Variants in RPL3L observed in about 807,000 individuals in gnomAD.
RPL3L encodes the protein ribosomal protein uL3-like.
RPL3L carries 44 observed loss-of-function variants against 44.5 expected under a neutral mutation model. That is an observed-to-expected ratio of 0.99 (90% CI 0.78 to 1.27). The LOEUF is 1.27. Ranked by LOEUF, RPL3L falls within the 50% of genes most tolerant of loss-of-function variation. RPL3L has a pLI of 0.00. For synonymous variants in RPL3L, 292 were observed against 230.7 expected (o/e 1.27, Z -2.41); for missense variants, 631 against 569.1 (o/e 1.11, Z -1.11).
intron 3 of RPL3L, among the ~76,000 whole-genome samples, 197 bp from the exon 4 acceptor site, chr16:1,951,176 C>T (rs1236497514): frequency 6.6e-6 from 1 of 152,182 alleles, no homozygotes; most frequent in Non-Finnish European, 1.5e-5. Flanking sequence ...CCCCGGTTTC[C>T]TCCTCTGTAA....
rs376749953 is a variant in RPL3L, at chr16:1,948,963, G to A, written c.502-1583C>T. 3.6e-4 allele frequency among the ~76,000 whole-genome samples: 54 copies of A among 151,000 alleles called. No individual in the cohort carries two copies. The East Asian group carries it at 5.8e-3, about 16-fold the overall frequency. Reference sequence around the variant, plus strand: ...TCTCCTGACCTGATCTGCCTGCCTCGGCCTCCCAAAGTGCTGGAATTACAG... The same window carrying A: ...TCTCCTGACCTGATCTGCCTGCCTCAGCCTCCCAAAGTGCTGGAATTACAG... On this transcript the variant is annotated intron_variant, in intron 4 of 9. Transcript: ENST00000268661.
Position 1,944,661 on chromosome 16 carries a change from C to A in RPL3L, c.*176G>T. 1 of 693,072 alleles carries A rather than the reference C, an allele frequency of 1.4e-6. No homozygotes were observed. The highest frequency in any genetic ancestry group is 2.6e-5 in the East Asian group (1 of 38,918). 42.9% of individuals were successfully genotyped at this position (693,072 alleles called of 1,614,324 possible). A position where few individuals can be genotyped will look rare whatever the true frequency, so the allele number is the denominator to read the frequency against. ...GCCAGCTCTGTGTGAATTACTCTTT[C>A]TCTATTGCAATTCCCCTGTCTTAAT... On this transcript the variant is annotated 3_prime_UTR_variant, in exon 10 of 10. Coordinates refer to ENST00000268661, the MANE Select transcript of RPL3L (RefSeq NM_005061.3).
rs1413818324 is a variant in RPL3L at position 1,944,900 on chromosome 16, G to T, written c.1168-7C>A. ...GATGCTTCTTTTGGGGGCCCTGGTT[G>T]AGAGGGTGGTGCAGGAGGAGCCTTA... On this transcript the variant is annotated splice_region_variant and splice_polypyrimidine_tract_variant and intron_variant, in intron 9 of 9. Coordinates refer to ENST00000268661, the MANE Select transcript of RPL3L (RefSeq NM_005061.3). 3 of 1,612,308 alleles carry T rather than the reference G, an allele frequency of 1.9e-6. No homozygotes were observed. Among genetic ancestry groups the T allele is most frequent in the Non-Finnish European group, 2.5e-6 (3 of 1,179,820 alleles).
At chr16:1,946,051 C>T in intron 7 of RPL3L, 121 bp from the exon 8 acceptor site, 1 of 772,328 alleles carries the variant, frequency 1.3e-6, no homozygotes, top group Non-Finnish European at 2.1e-6. Flanking sequence ...TGCCCAGCCC[C>T]CAGATGTAGG....
At chr16:1,949,258 T>C (rs1597027326) in intron 4 of RPL3L, among the ~76,000 whole-genome samples, 21 of 103,358 alleles carry the variant, frequency 2.0e-4, no homozygotes, top group South Asian at 1.9e-3. Flanking sequence ...TTTTTTTTTT[T>C]CTTTTTTTTT....
intron 2 of RPL3L, 72 bp from the exon 3 acceptor site, chr16:1,953,114 C>T (rs1459025159): frequency 3.0e-5 from 45 of 1,495,894 alleles, no homozygotes; most frequent in Admixed American, 2.1e-4. Context: ...TGGAGAGCCG[C>T]CCACATAGGG....
chr16:1,946,954 G>A lies in RPL3L; in HGVS notation c.833C>T (p.Thr278Met), dbSNP rs149645742. The stretch of plus-strand genomic sequence containing the variant: ...AGGACGCACCTTCTTGTTGAGCTCC[G>A]TGCGGTGGTGATAGCCCTTCTGCCC... ...RAGQKGYHHR[T>M]ELNKKIFRIG... The change falls in exon 6 of 10, where the codon ACG becomes ATG. Residue 278 changes from threonine to methionine, a missense_variant. Coordinates refer to ENST00000268661, the MANE Select transcript of RPL3L (RefSeq NM_005061.3). 61 of 1,606,498 alleles carry A rather than the reference G, an allele frequency of 3.8e-5. No individual in the cohort carries two copies. The highest frequency in any genetic ancestry group is 2.0e-4 in the Middle Eastern group (1 of 4,930).
intron 8 of RPL3L, 37 bp from the exon 9 acceptor site, chr16:1,945,655 G>C: frequency 6.2e-7 from 1 of 1,612,904 alleles, no homozygotes; most frequent in Non-Finnish European, 8.5e-7. Context: ...TCAAGTGTGG[G>C]GATCCCCCAC....
Position 1,953,938 on chromosome 16 carries a change from G to A in RPL3L, c.196+18C>T, listed in dbSNP as rs745653536. 3 of 1,500,816 alleles carry A rather than the reference G, an allele frequency of 2.0e-6. No homozygotes were observed. The highest frequency in any genetic ancestry group is 2.7e-5 in the South Asian group (2 of 75,380). The allele number at this position is 1,500,816 out of a possible 1,614,324, so 93.0% of individuals were successfully genotyped here. On this transcript the variant is annotated intron_variant, in intron 2 of 9. Coordinates refer to ENST00000268661, the MANE Select transcript of RPL3L (RefSeq NM_005061.3). ...GTTCAGCCCTCCCCCTCCCCCAAGG[G>A]TCCCAACTGTGACTCACTGAGCCCC... is the stretch of plus-strand genomic sequence containing the variant.
intron 7 of RPL3L, 60 bp downstream of exon 7, chr16:1,946,565 C>G: frequency 7.1e-6 from 11 of 1,555,336 alleles, no homozygotes; most frequent in Non-Finnish European, 9.7e-6. Context: ...CCAGCCTGAC[C>G]CCACTCCAGC....
At chr16:1,949,579 G>C (rs2083154251) in intron 4 of RPL3L, among the ~76,000 whole-genome samples, 1 of 143,986 alleles carries the variant, frequency 6.9e-6, no homozygotes, top group Admixed American at 7.0e-5. Context: ...TTTTTGGTAA[G>C]GTCTCTGGCT....
At chr16:1,947,129 G>A (rs1012811737) in intron 5 of RPL3L, 31 bp from the exon 6 acceptor site, 1 of 1,613,104 alleles carries the variant, frequency 6.2e-7, no homozygotes, top group Non-Finnish European at 8.5e-7. Context: ...TGGCTGAGAG[G>A]CCAGGCTGGT....
chr16:1,952,862 G>T lies in RPL3L; in HGVS notation c.365+12C>A. The T allele has an allele frequency of 6.2e-7, 1 of 1,613,454 alleles. No individual in the cohort carries two copies. The highest frequency in any genetic ancestry group is 8.5e-7 in the Non-Finnish European group (1 of 1,179,966). On this transcript the variant is annotated intron_variant, in intron 3 of 9. Coordinates refer to ENST00000268661, the MANE Select transcript of RPL3L (RefSeq NM_005061.3). ...GCAGCCCTTGGACGGCCCAGCCAAG[G>T]GCGGTGCTCACCAGTCCTTGTAGAA... is the stretch of plus-strand genomic sequence containing the variant.
chr16:1,952,725 A>T, intron 3 of RPL3L, 149 bp downstream of exon 3: 1 of 874,912 alleles, frequency 1.1e-6, no homozygotes, highest in Non-Finnish European at 1.7e-6. Context: ...ACACACACAC[A>T]CACACAGACA....
chr16:1,946,466 G>GCTGTGGGGCAAAAATCTTGAGC (rs1034383950), intron 7 of RPL3L, among the ~76,000 whole-genome samples, 159 bp downstream of exon 7: 4 of 152,268 alleles, frequency 2.6e-5, no homozygotes, highest in African/African-American at 9.6e-5. Context: ...GCAGCGTCCA[G>GCTGTGGGGCAAAAATCTTGAGC]CTGTGGGGCA....
In RPL3L at chr16:1,947,330, C is replaced by T; in HGVS notation, c.552G>A (p.Gln184=). Residue 184 remains glutamine, a synonymous_variant, in exon 5 of 10, where the codon CAG becomes CAA. Transcript: ENST00000268661. ...RQKKAHIMEI[Q]LNGGTVAEKV... ...TCTCGGCCACCGTGCCACCGTTCAG[C>T]TGGATCTCCATGATGTGGGCCTTCT... 3 of 1,609,512 alleles carry T rather than the reference C, an allele frequency of 1.9e-6. No individual in the cohort carries two copies. The highest frequency in any genetic ancestry group is 2.5e-6 in the Non-Finnish European group (3 of 1,178,692).
intron 3 of RPL3L, 93 bp downstream of exon 3, chr16:1,952,781 A>T (rs2083179099): frequency 6.9e-7 from 1 of 1,455,624 alleles, no homozygotes; most frequent in Non-Finnish European, 9.4e-7. Flanking sequence ...CTACTCACCC[A>T]CACCTATCAT....
At position 1,945,949 on chromosome 16, in the gene RPL3L, A is replaced by G; in HGVS notation, c.952-19T>C. ...AGCCACCCTGCAGAGGACACAGGTC[A>G]GAGGCCAGGCCCGGAAAGGGCTTCT... On this transcript the variant is annotated intron_variant, in intron 7 of 9. Coordinates refer to ENST00000268661, the MANE Select transcript of RPL3L (RefSeq NM_005061.3). 1 of 1,594,672 alleles carries G rather than the reference A, an allele frequency of 6.3e-7. No homozygotes were observed. Among genetic ancestry groups the G allele is most frequent in the Non-Finnish European group, 8.6e-7 (1 of 1,169,368 alleles).
At chr16:1,952,133 T>A (rs930400504) in intron 3 of RPL3L, among the ~76,000 whole-genome samples, 10 of 151,482 alleles carry the variant, frequency 6.6e-5, no homozygotes, top group Non-Finnish European at 1.0e-4. Flanking sequence ...ATTTTTATTT[T>A]TTTTTTTGTA....
Sources: gnomAD v4.1 joint callset for allele counts (sites outside exome capture counted in the v4.1 genomes callset) on GRCh38, gnomAD v4.1.1 for gene constraint, MANE v1.5 for transcripts, NCBI Gene and HGNC (gene_info 2026-07-23, HGNC 2026-07-21) for gene names.